Variants in AGBL4 observed in about 807,000 individuals in gnomAD.
AGBL4 encodes cytosolic carboxypeptidase 6.
A neutral mutation model predicts 66.4 loss-of-function variants in AGBL4; 58 were observed. That is an observed-to-expected ratio of 0.87 (90% CI 0.71 to 1.09). The LOEUF (loss-of-function observed/expected upper bound fraction) is 1.09, where lower values mean the gene tolerates loss of function less well. AGBL4 is among the 50% of genes least tolerant of loss of function. AGBL4 has a pLI of 0.00. For synonymous variants in AGBL4, 234 were observed against 222.9 expected (o/e 1.05, Z -0.44); for missense variants, 579 against 631.0 (o/e 0.92, Z 0.88).
chr1:49,581,623 T>C (rs191854316), intron 3 of AGBL4, among the ~76,000 whole-genome samples: 1 of 152,314 alleles, frequency 6.6e-6, no homozygotes, highest in African/African-American at 2.4e-5. Flanking sequence ...GTGGCGTCTG[T>C]GGATTCCTCA....
chr1:49,752,511 A>C (rs1383917698), intron 2 of AGBL4, among the ~76,000 whole-genome samples: 1 of 152,138 alleles, frequency 6.6e-6, no homozygotes, highest in Non-Finnish European at 1.5e-5. Context: ...GTTCTAGAAT[A>C]AGTGCTATGT....
intron 4 of AGBL4, among the ~76,000 whole-genome samples, chr1:49,093,995 G>T (rs954665191): frequency 2.6e-5 from 4 of 152,138 alleles, no homozygotes; most frequent in African/African-American, 7.2e-5. Context: ...GAAAGAAGGG[G>T]CTTGTGTATA....
chr1:49,265,653 T>C (rs1361546275), intron 3 of AGBL4, among the ~76,000 whole-genome samples: 1 of 152,124 alleles, frequency 6.6e-6, no homozygotes, highest in Non-Finnish European at 1.5e-5. Context: ...GTAGAGTTCT[T>C]AGAATTAAAT....
intron 3 of AGBL4, among the ~76,000 whole-genome samples, chr1:49,390,592 G>A (rs180728645): frequency 1.5e-4 from 23 of 152,194 alleles, no homozygotes; most frequent in Admixed American, 7.2e-4. Flanking sequence ...TTACAAATAA[G>A]GAAACTATCT....
chr1:49,603,567 TAAATAAAC>T (rs1186183328), intron 3 of AGBL4, among the ~76,000 whole-genome samples: 6 of 140,286 alleles, frequency 4.3e-5, no homozygotes, highest in African/African-American at 1.1e-4. Flanking sequence ...AATAAATAAA[TAAATAAAC>T]AAATAAATAG....
intron 5 of AGBL4, among the ~76,000 whole-genome samples, chr1:48,960,336 G>C (rs1657860973): frequency 6.6e-6 from 1 of 152,146 alleles, no homozygotes; most frequent in Admixed American, 6.5e-5. Context: ...AATTATGTTT[G>C]CTTTTGGACA....
At chr1:49,879,633 T>C (rs1330429157) in intron 1 of AGBL4, among the ~76,000 whole-genome samples, 1 of 147,236 alleles carries the variant, frequency 6.8e-6, no homozygotes, top group Non-Finnish European at 1.5e-5. Context: ...CTGACAATTA[T>C]GTGTCTTGGA....
intron 3 of AGBL4, among the ~76,000 whole-genome samples, chr1:49,515,894 G>A (rs1326898676): frequency 8.2e-6 from 1 of 122,420 alleles, no homozygotes; most frequent in South Asian, 3.2e-4. Context: ...GTTGTGGGGT[G>A]GGGGGAGGGG....
intron 2 of AGBL4, among the ~76,000 whole-genome samples, chr1:49,742,608 A>G (rs1650608842): frequency 6.6e-6 from 1 of 152,156 alleles, no homozygotes; most frequent in African/African-American, 2.4e-5. Context: ...ATCCTAAGCC[A>G]AAAGAACAAA....
chr1:49,603,941 C>T (rs1428869024), intron 3 of AGBL4, among the ~76,000 whole-genome samples: 2 of 126,688 alleles, frequency 1.6e-5, no homozygotes, highest in Admixed American at 1.5e-4. Context: ...CACACACACA[C>T]ACACACACAC....
chr1:49,431,759 TATTAA>T (rs1645791940), intron 3 of AGBL4, among the ~76,000 whole-genome samples: 3 of 152,160 alleles, frequency 2.0e-5, no homozygotes, highest in Non-Finnish European at 4.4e-5. Context: ...TTACATCTGC[TATTAA>T]ACTTATAATA....
At chr1:49,616,803 C>T (rs1003437665) in intron 3 of AGBL4, among the ~76,000 whole-genome samples, 8 of 152,118 alleles carry the variant, frequency 5.3e-5, no homozygotes, top group Non-Finnish European at 1.2e-4. Context: ...CCATCCTTGA[C>T]TCATTTCATT....
chr1:49,037,152 G>A (rs1399464370), intron 5 of AGBL4, among the ~76,000 whole-genome samples: 1 of 152,112 alleles, frequency 6.6e-6, no homozygotes, highest in Non-Finnish European at 1.5e-5. Context: ...TGCTAAGTTT[G>A]AATGAAATCC....
chr1:48,673,612 T>G (rs1366809348), intron 6 of AGBL4, among the ~76,000 whole-genome samples: 2 of 152,170 alleles, frequency 1.3e-5, no homozygotes, highest in African/African-American at 2.4e-5. Context: ...CATGACATCT[T>G]CAGAGGAGCC....
At chr1:49,305,654 T>C (rs2148452010) in intron 3 of AGBL4, among the ~76,000 whole-genome samples, 1 of 152,298 alleles carries the variant, frequency 6.6e-6, no homozygotes, top group South Asian at 2.1e-4. Flanking sequence ...AGTTGATATT[T>C]TTTATTACTG....
chr1:49,860,830 C>A (rs2148083620), intron 1 of AGBL4, among the ~76,000 whole-genome samples: 1 of 152,122 alleles, frequency 6.6e-6, no homozygotes, highest in African/African-American at 2.4e-5. Context: ...AAAACACCTT[C>A]TGTAAGAACC....
At chr1:49,669,115 G>A (rs758078508) in intron 3 of AGBL4, among the ~76,000 whole-genome samples, 1 of 152,224 alleles carries the variant, frequency 6.6e-6, no homozygotes, top group Middle Eastern at 3.4e-3. Context: ...ACGTGGGCAC[G>A]TAGATGGAAA....
At chr1:49,828,538 A>G (rs1645569857) in intron 2 of AGBL4, among the ~76,000 whole-genome samples, 1 of 152,240 alleles carries the variant, frequency 6.6e-6, no homozygotes, top group Non-Finnish European at 1.5e-5. Context: ...CTATGGCTAC[A>G]GCATTATTGG....
At chr1:49,086,202 G>T (rs1168885417) in intron 4 of AGBL4, among the ~76,000 whole-genome samples, 1 of 152,142 alleles carries the variant, frequency 6.6e-6, no homozygotes, top group Non-Finnish European at 1.5e-5. Context: ...TGTGAATTCA[G>T]CCAGTGGTCT....
Sources: gnomAD v4.1 joint callset for allele counts (sites outside exome capture counted in the v4.1 genomes callset) on GRCh38, gnomAD v4.1.1 for gene constraint, MANE v1.5 for transcripts, NCBI Gene and HGNC (gene_info 2026-07-23, HGNC 2026-07-21) for gene names.